Variants in ERAP1 observed in about 807,000 individuals in gnomAD.
The protein encoded by ERAP1 is adipocyte-derived leucine aminopeptidase.
A neutral mutation model predicts 103.7 loss-of-function variants in ERAP1; 86 were observed. The ratio of observed to expected loss-of-function variants is 0.83; its 90% CI spans 0.70 to 0.99. ERAP1 has a LOEUF of 0.99. Ranked by LOEUF, ERAP1 falls within the 50% of genes least tolerant of loss-of-function variation. The pLI is 0.00. For synonymous variants in ERAP1, 398 were observed against 402.4 expected (o/e 0.99, Z 0.13); for missense variants, 1,009 against 1,128.4 (o/e 0.89, Z 1.52).
chr5:96,827,852 T>C, the ERAP1 span, among the ~76,000 whole-genome samples: 6 of 152,186 alleles, frequency 3.9e-5, no homozygotes, highest in Non-Finnish European at 8.8e-5. Context: ...CAGAGACTCC[T>C]GTATTGGTTG....
the ERAP1 span, among the ~76,000 whole-genome samples, chr5:96,902,032 C>A: frequency 1.3e-5 from 2 of 152,182 alleles, no homozygotes; most frequent in African/African-American, 4.8e-5. Flanking sequence ...GCAAATGACA[C>A]AAGTATTTGT....
the ERAP1 span, among the ~76,000 whole-genome samples, chr5:96,830,258 G>A: frequency 6.6e-6 from 1 of 152,104 alleles, no homozygotes; most frequent in Non-Finnish European, 1.5e-5. Flanking sequence ...GATTCGAGAG[G>A]GCTGATGCCT....
the ERAP1 span, among the ~76,000 whole-genome samples, chr5:96,922,449 TG>T: frequency 2.2e-4 from 34 of 152,110 alleles, no homozygotes; most frequent in Admixed American, 4.6e-4. Flanking sequence ...GGATGAGGCT[TG>T]GGGCACATAA....
the ERAP1 span, among the ~76,000 whole-genome samples, chr5:96,869,563 T>C: frequency 2.6e-5 from 4 of 152,200 alleles, no homozygotes; most frequent in African/African-American, 9.6e-5. Context: ...GAAGGAGCAA[T>C]CTGTCTGGAA....
At chr5:96,886,548 T>A in the ERAP1 span, 1 of 936,098 alleles carries the variant, frequency 1.1e-6, no homozygotes, top group Non-Finnish European at 1.5e-6. Context: ...TCATCGATTG[T>A]CCTTCAGAGT....
At chr5:96,902,105 A>G in the ERAP1 span, among the ~76,000 whole-genome samples, 1 of 152,216 alleles carries the variant, frequency 6.6e-6, no homozygotes, top group Non-Finnish European at 1.5e-5. Flanking sequence ...AATTTTTTGC[A>G]TACTTAAGGA....
chr5:96,766,323 C>T (rs1344083537), intron 19 of ERAP1, among the ~76,000 whole-genome samples: 3 of 152,166 alleles, frequency 2.0e-5, no homozygotes, highest in African/African-American at 7.2e-5. Flanking sequence ...GAGCCAATAT[C>T]ATTATATATG....
the ERAP1 span, among the ~76,000 whole-genome samples, chr5:96,860,780 A>G: frequency 5.9e-5 from 9 of 152,248 alleles, no homozygotes; most frequent in Admixed American, 5.9e-4. Flanking sequence ...TCATATTCTA[A>G]ATGATTGCCT....
At chr5:96,814,818 G>A in the ERAP1 span, among the ~76,000 whole-genome samples, 1 of 152,314 alleles carries the variant, frequency 6.6e-6, no homozygotes, top group Admixed American at 6.5e-5. Context: ...AGGCCCAATG[G>A]AAGCTCAAAG....
At chr5:96,903,029 T>C in the ERAP1 span, among the ~76,000 whole-genome samples, 5 of 152,186 alleles carry the variant, frequency 3.3e-5, no homozygotes, top group Non-Finnish European at 5.9e-5. Flanking sequence ...CAATGACTAG[T>C]GACTAAACCT....
the ERAP1 span, among the ~76,000 whole-genome samples, chr5:96,929,093 A>G: frequency 2.6e-5 from 4 of 152,226 alleles, no homozygotes; most frequent in Non-Finnish European, 5.9e-5. Flanking sequence ...AAGGGAGGAG[A>G]CACAGAAATC....
At chr5:96,912,605 CT>C in the ERAP1 span, 1 of 1,563,030 alleles carries the variant, frequency 6.4e-7, no homozygotes, top group East Asian at 2.3e-5. Context: ...TTTCATAAAA[CT>C]TTTTCTTCAT....
chr5:96,842,189 T>C, the ERAP1 span, among the ~76,000 whole-genome samples: 17 of 152,338 alleles, frequency 1.1e-4, no homozygotes, highest in African/African-American at 4.1e-4. Context: ...TACTCATTGG[T>C]TGATGGGCAT....
the ERAP1 span, among the ~76,000 whole-genome samples, chr5:96,865,290 C>A: frequency 1.8e-4 from 27 of 152,224 alleles, no homozygotes; most frequent in African/African-American, 6.5e-4. Context: ...AGTACCCAAC[C>A]AGAACAGAAT....
At chr5:96,778,515 A>AT (rs1774680525) in intron 18 of ERAP1, among the ~76,000 whole-genome samples, 1 of 152,162 alleles carries the variant, frequency 6.6e-6, no homozygotes, top group Non-Finnish European at 1.5e-5. Flanking sequence ...CTGAGTGGCT[A>AT]CAGTGTTATG....
the ERAP1 span, chr5:96,883,766 T>C: frequency 6.3e-7 from 1 of 1,597,564 alleles, no homozygotes; most frequent in South Asian, 1.1e-5. Context: ...CTTGTGCATT[T>C]TGGCTGGGGG....
At chr5:96,815,749 G>A in the ERAP1 span, among the ~76,000 whole-genome samples, 3 of 151,924 alleles carry the variant, frequency 2.0e-5, no homozygotes, top group Non-Finnish European at 2.9e-5. Flanking sequence ...TTTGTAAGCA[G>A]TAATTTATTA....
At chr5:96,884,682 C>T in the ERAP1 span, among the ~76,000 whole-genome samples, 1 of 151,834 alleles carries the variant, frequency 6.6e-6, no homozygotes, top group African/African-American at 2.4e-5. Context: ...CTCAGCCTCC[C>T]AAGTAGCTGG....
the ERAP1 span, among the ~76,000 whole-genome samples, chr5:96,821,156 C>T: frequency 1.3e-5 from 2 of 152,178 alleles, no homozygotes; most frequent in Non-Finnish European, 2.9e-5. Context: ...CAGGGTACCT[C>T]AATCTTTTCT....
Sources: allele counts gnomAD v4.1 joint callset (sites outside exome capture counted in the v4.1 genomes callset), GRCh38; gene constraint gnomAD v4.1.1; transcripts MANE v1.5; gene names NCBI Gene and HGNC (gene_info 2026-07-23, HGNC 2026-07-21).